Variants in NRXN3 observed in about 807,000 individuals in gnomAD.
NRXN3 encodes neurexin 3.
A neutral mutation model predicts 137.6 loss-of-function variants in NRXN3; 32 were observed. The observed-to-expected ratio is 0.23, with a 90% CI of 0.18 to 0.31. The LOEUF (loss-of-function observed/expected upper bound fraction) is 0.31, where lower values mean the gene tolerates loss of function less well. NRXN3 is among the 10% of genes least tolerant of loss of function. The pLI, the probability that NRXN3 is intolerant of heterozygous loss-of-function variation, is 1.00. For synonymous variants in NRXN3, 798 were observed against 784.5 expected (o/e 1.02, Z -0.29); for missense variants, 1,574 against 2,062.5 (o/e 0.76, Z 4.59).
intron 16 of NRXN3, among the ~76,000 whole-genome samples, chr14:79,613,174 T>C (rs1006632137): frequency 6.6e-6 from 1 of 152,244 alleles, no homozygotes; most frequent in South Asian, 2.1e-4. Context: ...ATGGAAGTTA[T>C]GATTAAGAAT....
intron 18 of NRXN3, among the ~76,000 whole-genome samples, chr14:79,697,278 G>T (rs73329968): frequency 6.6e-6 from 1 of 151,758 alleles, no homozygotes; most frequent in Non-Finnish European, 1.5e-5. Flanking sequence ...GTAGGTATCC[G>T]TAATTTATTC....
intron 9 of NRXN3, among the ~76,000 whole-genome samples, chr14:78,804,138 C>T (rs1394042438): frequency 6.6e-6 from 1 of 152,076 alleles, no homozygotes; most frequent in African/African-American, 2.4e-5. Context: ...ATCTTTTGAT[C>T]AATCATATTC....
At chr14:79,648,932 C>T (rs1319198355) in intron 16 of NRXN3, among the ~76,000 whole-genome samples, 2 of 152,104 alleles carry the variant, frequency 1.3e-5, no homozygotes, top group Admixed American at 6.6e-5. Context: ...ATGTTTGCCT[C>T]TAGGTATTTG....
chr14:79,374,800 C>T (rs981287608), intron 15 of NRXN3, among the ~76,000 whole-genome samples: 3 of 152,134 alleles, frequency 2.0e-5, no homozygotes, highest in African/African-American at 7.2e-5. Flanking sequence ...TCCTATCTCC[C>T]CAAAATGTAT....
intron 4 of NRXN3, among the ~76,000 whole-genome samples, chr14:78,592,975 G>A (rs983406229): frequency 2.0e-5 from 3 of 152,268 alleles, no homozygotes; most frequent in African/African-American, 4.8e-5. Flanking sequence ...CGTCGTCATC[G>A]GCAGAGCGAC....
At chr14:78,503,033 G>A (rs2095909958) in intron 4 of NRXN3, among the ~76,000 whole-genome samples, 1 of 152,146 alleles carries the variant, frequency 6.6e-6, no homozygotes, top group African/African-American at 2.4e-5. Context: ...TGGGAGGAAA[G>A]CAGTGCCATA....
intron 16 of NRXN3, among the ~76,000 whole-genome samples, chr14:79,580,330 G>A (rs1333496016): frequency 6.6e-6 from 1 of 152,090 alleles, no homozygotes; most frequent in South Asian, 2.1e-4. Context: ...CTGGTGGATG[G>A]AGTATTTTAT....
Position 78,560,542 on chromosome 14 carries a change from C to A in NRXN3, c.758-84578C>A, listed in dbSNP as rs2152266090. ...CTCCAAGGCCTGGATGCTCACTGGC[C>A]CTTCCAAGATGCTGACCCCTCGCTA... On this transcript the variant is annotated intron_variant, in intron 4 of 20. Coordinates refer to ENST00000335750, the MANE Select transcript of NRXN3 (RefSeq NM_001330195.2). Among the ~76,000 whole-genome samples the A allele has an allele frequency of 2.0e-5, 3 of 152,280 alleles. No individual in the cohort carries two copies. The South Asian group carries it at 6.2e-4, about 32-fold the overall frequency.
At chr14:78,999,723 A>G in intron 15 of NRXN3, among the ~76,000 whole-genome samples, 1 of 152,198 alleles carries the variant, frequency 6.6e-6, no homozygotes, top group Non-Finnish European at 1.5e-5. Flanking sequence ...ACATCTATAT[A>G]AAAGGGAAAT....
chr14:79,618,146 T>A (rs1403673463), intron 16 of NRXN3, among the ~76,000 whole-genome samples: 1 of 152,144 alleles, frequency 6.6e-6, no homozygotes, highest in African/African-American at 2.4e-5. Flanking sequence ...ACCAGAAATA[T>A]TTCTGACCAT....
intron 15 of NRXN3, among the ~76,000 whole-genome samples, chr14:79,174,596 A>G (rs1391019294): frequency 3.3e-5 from 5 of 150,828 alleles, no homozygotes; most frequent in Non-Finnish European, 1.5e-5. Context: ...GTATCTAGCT[A>G]TACATACCCA....
intron 16 of NRXN3, among the ~76,000 whole-genome samples, chr14:79,498,011 G>A (rs2096783777): frequency 6.6e-6 from 1 of 152,094 alleles, no homozygotes; most frequent in South Asian, 2.1e-4. Context: ...TCCAGCCTAG[G>A]CAACAGAGCG....
chr14:78,711,559 A>G (rs1001506765), intron 7 of NRXN3, among the ~76,000 whole-genome samples: 19 of 146,498 alleles, frequency 1.3e-4, no homozygotes. Context: ...CTCCTGCCTT[A>G]CCTCCCAAGT....
chr14:79,469,535 A>G (rs780726897), intron 16 of NRXN3, among the ~76,000 whole-genome samples: 23 of 152,178 alleles, frequency 1.5e-4, no homozygotes, highest in Non-Finnish European at 1.3e-4. Context: ...ATAGTATAAT[A>G]TTATTTTCTT....
At chr14:78,523,507 A>G (rs2096316218) in intron 4 of NRXN3, among the ~76,000 whole-genome samples, 1 of 152,072 alleles carries the variant, frequency 6.6e-6, no homozygotes, top group African/African-American at 2.4e-5. Context: ...TAAAGAATAC[A>G]AGAGAGTGTA....
intron 4 of NRXN3, among the ~76,000 whole-genome samples, chr14:78,604,197 C>T (rs937160580): frequency 1.3e-5 from 2 of 152,140 alleles, no homozygotes; most frequent in African/African-American, 4.8e-5. Flanking sequence ...TCAATTATCT[C>T]CTACCGGGTT....
chr14:79,280,720 C>T, intron 15 of NRXN3: 2 of 626,140 alleles, frequency 3.2e-6, no homozygotes, highest in Non-Finnish European at 2.7e-6. Flanking sequence ...GTGTTTTCTG[C>T]CCCTAGCCTC....
chr14:79,601,392 GA>G (rs1411101584), intron 16 of NRXN3, among the ~76,000 whole-genome samples: 3 of 151,880 alleles, frequency 2.0e-5, no homozygotes, highest in African/African-American at 7.3e-5. Flanking sequence ...ATCTATATGA[GA>G]AAGACAAAAC....
intron 4 of NRXN3, among the ~76,000 whole-genome samples, chr14:78,469,931 A>T (rs1475681813): frequency 1.3e-5 from 2 of 152,200 alleles, no homozygotes; most frequent in Non-Finnish European, 2.9e-5. Context: ...CATGTTAGAT[A>T]ATTCCTTGAT....
Sources: allele counts gnomAD v4.1 joint callset (sites outside exome capture counted in the v4.1 genomes callset), GRCh38; gene constraint gnomAD v4.1.1; transcripts MANE v1.5; gene names NCBI Gene and HGNC (gene_info 2026-07-23, HGNC 2026-07-21).